Variants in MGA observed in about 807,000 individuals in gnomAD.
The protein encoded by MGA is MAX dimerization protein MGA.
A neutral mutation model predicts 261.1 loss-of-function variants in MGA; 40 were observed. The ratio of observed to expected loss-of-function variants is 0.15; its 90% confidence interval spans 0.12 to 0.20. The LOEUF (loss-of-function observed/expected upper bound fraction) is 0.20, where lower values mean the gene tolerates loss of function less well. Ranked by LOEUF, MGA falls within the 10% of genes least tolerant of loss-of-function variation. The pLI is 1.00. For missense variants in MGA, 3,397 were observed against 3,630.5 expected (o/e 0.94, Z 1.65); for synonymous variants, 1,302 against 1,290.6 (o/e 1.01, Z -0.19).
At chr15:41,695,232 C>G in intron 2 of MGA, among the ~76,000 whole-genome samples, 1 of 151,810 alleles carries the variant, frequency 6.6e-6, no homozygotes, top group Middle Eastern at 3.4e-3. Context: ...GCTCTGTCGC[C>G]AGGCTGGAGG....
intron 1 of MGA, among the ~76,000 whole-genome samples, chr15:41,651,637 C>CTCTCCCCTCTTCTCTCG (rs2057048746): frequency 7.5e-6 from 1 of 132,766 alleles, no homozygotes; most frequent in Non-Finnish European, 1.6e-5. Context: ...CTCTTCTCTC[C>CTCTCCCCTCTTCTCTCG]TCTCCCCTCT....
chr15:41,674,533 T>A (rs7164533), intron 2 of MGA, among the ~76,000 whole-genome samples: 69,256 of 151,532 alleles, frequency 0.46, 17,499 homozygotes, highest in East Asian at 0.87. Context: ...TTTTATTTTT[T>A]TTTTTAGACA....
intron 22 of MGA, 58 bp downstream of exon 22, chr15:41,762,420 G>A: frequency 3.5e-6 from 4 of 1,147,730 alleles, no homozygotes; most frequent in Non-Finnish European, 5.0e-6. Flanking sequence ...GACTTTAGTG[G>A]ACTGACCACC....
At chr15:41,676,562 T>C (rs540586641) in intron 2 of MGA, among the ~76,000 whole-genome samples, 55 of 152,374 alleles carry the variant, frequency 3.6e-4, no homozygotes, top group South Asian at 4.1e-4. Flanking sequence ...TGGTTTTTTT[T>C]CTCAACATTG....
Position 41,743,064 on chromosome 15 carries a change from A to G in MGA, c.5104A>G (p.Thr1702Ala), listed in dbSNP as rs773326316. The G allele has an allele frequency of 6.2e-7, 1 of 1,613,982 alleles. No individual in the cohort carries two copies. The highest frequency in any genetic ancestry group is 1.1e-5 in the South Asian group (1 of 91,084). ...TGCTTCCACCTCCTTAGTCGTGGTG[A>G]CTGCAGCTGCATCTTCCTCCATGGT... The change falls in exon 15 of 24, where the codon ACT (threonine) becomes GCT (alanine). Residue 1702 changes from threonine to alanine, a missense_variant. Transcript: ENST00000219905.
At position 41,749,480 on chromosome 15, in the gene MGA, C is replaced by T. The variant is rs1290629313; in HGVS notation, c.5873C>T (p.Ser1958Phe). Reference sequence around the variant, plus strand: ...CCAGGACAAAAGCCTGTTCCTAGCTCCATTCTTCAGCATGTTGCTTCCCTT... The same window carrying T: ...CCAGGACAAAAGCCTGTTCCTAGCTTCATTCTTCAGCATGTTGCTTCCCTT... Residue 1958 changes from serine (S) to phenylalanine (F), a missense_variant, in exon 17 of 24, where the codon TCC (serine) becomes TTC (phenylalanine). Physicochemically the swap from Ser to Phe is radical, Grantham distance 155 (BLOSUM62 -2). Coordinates refer to ENST00000219905, the MANE Select transcript of MGA (RefSeq NM_001164273.2). 2.5e-6 allele frequency: 4 copies of T among 1,613,984 alleles called. No homozygotes were observed. Among genetic ancestry groups the T allele is most frequent in the Non-Finnish European group, 3.4e-6 (4 of 1,179,892 alleles).
At chr15:41,674,764 C>G (rs1017452929) in intron 2 of MGA, among the ~76,000 whole-genome samples, 26 of 152,192 alleles carry the variant, frequency 1.7e-4, no homozygotes, top group Admixed American at 1.1e-3. Flanking sequence ...TTGATCCGCC[C>G]GCCTTGGCCT....
chr15:41,667,146 C>T (rs2057790583), intron 1 of MGA, among the ~76,000 whole-genome samples: 1 of 152,094 alleles, frequency 6.6e-6, no homozygotes, highest in Non-Finnish European at 1.5e-5. Context: ...TGTACATATT[C>T]ATAGCCATTT....
Position 41,669,337 on chromosome 15 carries a change from C to A in MGA, c.443C>A (p.Ala148Asp). ...CGTTGGTGGGAACCTAGTGGGAAGGCTGAACCTCATGTTTTGGGGAGGGTT... is the reference window on the plus strand; with the variant it reads ...CGTTGGTGGGAACCTAGTGGGAAGGATGAACCTCATGTTTTGGGGAGGGTT... The change falls in exon 2 of 24, where the codon GCT becomes GAT. Residue 148 changes from alanine (A) to aspartate (D), a missense_variant. Physicochemically the swap from Ala to Asp is moderately radical, Grantham distance 126. Transcript: ENST00000219905. The A allele has an allele frequency of 6.2e-7, 1 of 1,613,998 alleles. No homozygotes were observed. Among genetic ancestry groups the A allele is most frequent in the Non-Finnish European group, 8.5e-7 (1 of 1,179,892 alleles).
intron 1 of MGA, among the ~76,000 whole-genome samples, chr15:41,666,915 G>T (rs2057775395): frequency 6.6e-6 from 1 of 152,126 alleles, no homozygotes; most frequent in African/African-American, 2.4e-5. Context: ...AAAGTCCTGG[G>T]AACAATTCTT....
At chr15:41,687,885 G>A (rs1381435350) in intron 2 of MGA, among the ~76,000 whole-genome samples, 2 of 152,072 alleles carry the variant, frequency 1.3e-5, no homozygotes, top group Non-Finnish European at 2.9e-5. Context: ...TTTAATGTCA[G>A]TTACTGAGAA....
At chr15:41,631,345 C>T (rs1288279126) in intron 1 of MGA, among the ~76,000 whole-genome samples, 1 of 152,036 alleles carries the variant, frequency 6.6e-6, no homozygotes, top group Non-Finnish European at 1.5e-5. Flanking sequence ...AGTTCTCTGT[C>T]ACAATGTTGC....
rs1458370973 is a variant in MGA, at chr15:41,696,208, G to A, written c.1198G>A (p.Val400Ile). The stretch of plus-strand genomic sequence containing the variant: ...CGAACTTGGTGAGTGCCCAGAAGGG[G>A]TCACTGTGAAACAGGAAGAGACAGA... The change falls in exon 3 of 24, where the codon GTC becomes ATC. Residue 400 changes from valine (V) to isoleucine (I), a missense_variant. This residue lies in a region of MGA where 563 missense variants were observed against 563.6 expected (regional missense o/e 1.00). Transcript: ENST00000219905. 1 of 1,613,810 alleles carries A rather than the reference G, an allele frequency of 6.2e-7. No homozygotes were observed. Among genetic ancestry groups the A allele is most frequent in the African/African-American group, 1.3e-5 (1 of 74,908 alleles).
rs376628042 is a variant in MGA, at chr15:41,766,450, A to G, written c.8368A>G (p.Met2790Val). 5.6e-6 allele frequency: 9 copies of G among 1,613,906 alleles called. No individual in the cohort carries two copies. The highest frequency in any genetic ancestry group is 1.3e-5 in the African/African-American group (1 of 74,944). ...AGATCTCAAGGACTCAAGCATAGAGATGGAACTGAGGAAAGTAACATCAGC... is the reference window on the plus strand; with the variant it reads ...AGATCTCAAGGACTCAAGCATAGAGGTGGAACTGAGGAAAGTAACATCAGC... The change falls in exon 24 of 24, where the codon ATG (methionine) becomes GTG (valine). Residue 2790 changes from methionine to valine, a missense_variant. Transcript: ENST00000219905.
In MGA at chr15:41,665,392, G is replaced by T. The variant is rs955101420; in HGVS notation, c.-67-3436G>T. On this transcript the variant is annotated intron_variant, in intron 1 of 23. Transcript: ENST00000219905. The stretch of plus-strand genomic sequence containing the variant: ...ATTTTAGCAATCAGATTTCGTTTTG[G>T]TTTTTTTTTTTTGAGACAGGGTCTC... Among the ~76,000 whole-genome samples the T allele has an allele frequency of 1.1e-4, 16 of 144,652 alleles. 1 individual carries two copies. The highest frequency in any genetic ancestry group is 3.6e-3 in the Middle Eastern group (1 of 280). The allele number at this position is 144,652 out of a possible 152,430, so 94.9% of individuals were successfully genotyped here.
chr15:41,639,711 ATT>A (rs920094416), intron 1 of MGA, among the ~76,000 whole-genome samples: 1 of 148,514 alleles, frequency 6.7e-6, no homozygotes, highest in Non-Finnish European at 1.5e-5. Flanking sequence ...CGCCCAGCTA[ATT>A]TTTTTTTTGT....
chr15:41,699,214 T>C lies in MGA; in HGVS notation c.2188+55T>C, dbSNP rs1274117746. 3 of 1,160,630 alleles carry C rather than the reference T, an allele frequency of 2.6e-6. No individual in the cohort carries two copies. In the East Asian group the frequency reaches 8.0e-5, roughly 31 times the overall value. 71.9% of individuals were successfully genotyped at this position (1,160,630 alleles called of 1,614,324 possible). A position where few individuals can be genotyped will look rare whatever the true frequency, so the allele number is the denominator to read the frequency against. ...TTTTCTTTTTTTCTTTCTTCCCTACTGTTTCTCCTCTTTTTCCTCTCTCTT... is the reference window on the plus strand; with the variant it reads ...TTTTCTTTTTTTCTTTCTTCCCTACCGTTTCTCCTCTTTTTCCTCTCTCTT... On this transcript the variant is annotated intron_variant, in intron 5 of 23. Coordinates refer to ENST00000219905, the MANE Select transcript of MGA (RefSeq NM_001164273.2).
intron 3 of MGA, 102 bp from the exon 4 acceptor site, chr15:41,698,761 A>G: frequency 1.2e-6 from 1 of 802,816 alleles, no homozygotes. Flanking sequence ...GTAGGCATGG[A>G]GATATTTTCC....
chr15:41,743,681 G>A (rs968145384), intron 15 of MGA, among the ~76,000 whole-genome samples: 3 of 152,100 alleles, frequency 2.0e-5, no homozygotes, highest in Non-Finnish European at 4.4e-5. Context: ...GGGGTGTGGG[G>A]GGTGCTGCTT....
Sources: gnomAD v4.1 joint callset for allele counts (sites outside exome capture counted in the v4.1 genomes callset) on GRCh38, gnomAD v4.1.1 for gene constraint, gnomAD v4.1.1 regional missense constraint, MANE v1.5 for transcripts, NCBI Gene and HGNC (gene_info 2026-07-23, HGNC 2026-07-21) for gene names.